The following FAM53B variants were observed in gnomAD, a reference collection of about 807,000 sequenced individuals.
FAM53B encodes the protein protein FAM53B.
A neutral mutation model predicts 32.7 loss-of-function variants in FAM53B; 12 were observed. The ratio of observed to expected loss-of-function variants is 0.37; its 90% CI spans 0.24 to 0.59. The LOEUF (loss-of-function observed/expected upper bound fraction) is 0.59, where lower values mean the gene tolerates loss of function less well. Among genes scored for constraint, FAM53B ranks in the 20% least tolerant of loss-of-function variants. FAM53B has a pLI of 0.72. For synonymous variants in FAM53B, 234 were observed against 228.7 expected, an observed-to-expected ratio of 1.02 and a Z score of -0.21; for missense variants, 477 against 577.7, an observed-to-expected ratio of 0.83 and a Z score of 1.79.
chr10:124,712,590 G>A (rs1950011640), intron 1 of FAM53B, among the ~76,000 whole-genome samples: 1 of 152,008 alleles, frequency 6.6e-6, no homozygotes, highest in African/African-American at 2.4e-5. Context: ...GTCTTGTATT[G>A]TCACTTCCCA....
intron 4 of FAM53B, among the ~76,000 whole-genome samples, chr10:124,658,183 T>C (rs963700188): frequency 3.3e-5 from 5 of 152,216 alleles, no homozygotes; most frequent in Non-Finnish European, 7.4e-5. Flanking sequence ...GGAGGGGCTT[T>C]GCTACGCAAG....
intron 4 of FAM53B, among the ~76,000 whole-genome samples, chr10:124,679,005 G>A (rs986866789): frequency 1.1e-4 from 16 of 152,164 alleles, no homozygotes; most frequent in African/African-American, 3.1e-4. Context: ...GCTTTAACCC[G>A]AGGCTCTCAC....
intron 2 of FAM53B, among the ~76,000 whole-genome samples, chr10:124,704,664 A>G (rs940902795): frequency 1.3e-5 from 2 of 152,188 alleles, no homozygotes; most frequent in Non-Finnish European, 2.9e-5. Flanking sequence ...AGTGGCAGAG[A>G]TGAGGTCAAA....
chr10:124,696,645 C>T (rs759759236), intron 2 of FAM53B, among the ~76,000 whole-genome samples: 66 of 152,310 alleles, frequency 4.3e-4, no homozygotes, highest in Non-Finnish European at 7.3e-4. Flanking sequence ...CCAGGTCCGA[C>T]TCCGAGACCC....
intron 4 of FAM53B, among the ~76,000 whole-genome samples, chr10:124,643,146 G>T (rs964137691): frequency 6.6e-6 from 1 of 152,248 alleles, no homozygotes. Flanking sequence ...AAATAAAGCT[G>T]TCTGTCTCTG....
At chr10:124,741,120 T>C (rs1950196972) in intron 1 of FAM53B, among the ~76,000 whole-genome samples, 3 of 152,034 alleles carry the variant, frequency 2.0e-5, no homozygotes, top group Non-Finnish European at 4.4e-5. Context: ...TTAAAGAGAG[T>C]CCCTCCACAT....
At chr10:124,637,979 T>C (rs1014049665) in intron 4 of FAM53B, among the ~76,000 whole-genome samples, 1 of 152,248 alleles carries the variant, frequency 6.6e-6, no homozygotes, top group African/African-American at 2.4e-5. Context: ...TCTGAGTGCC[T>C]CTGTGGGCTG....
chr10:124,665,671 T>G (rs567489504), intron 4 of FAM53B, among the ~76,000 whole-genome samples: 1 of 152,312 alleles, frequency 6.6e-6, no homozygotes, highest in Non-Finnish European at 1.5e-5. Flanking sequence ...GCCCTGGGCA[T>G]TGGTCACGTG....
chr10:124,739,549 C>T (rs1227372168), intron 1 of FAM53B, among the ~76,000 whole-genome samples: 1 of 152,240 alleles, frequency 6.6e-6, no homozygotes, highest in Admixed American at 6.5e-5. Flanking sequence ...CCTGCCACTG[C>T]GTTCTGAGGT....
At chr10:124,639,378 G>A (rs977923230) in intron 4 of FAM53B, among the ~76,000 whole-genome samples, 9 of 152,224 alleles carry the variant, frequency 5.9e-5, no homozygotes, top group Non-Finnish European at 4.4e-5. Context: ...CATGCAGCCC[G>A]GGGCATGCTG....
chr10:124,710,195 T>C (rs957293668), intron 1 of FAM53B, among the ~76,000 whole-genome samples: 2 of 152,214 alleles, frequency 1.3e-5, no homozygotes, highest in African/African-American at 4.8e-5. Flanking sequence ...CTGAATGCCA[T>C]ACTCAATGGA....
chr10:124,717,824 T>C (rs550813647), intron 1 of FAM53B, among the ~76,000 whole-genome samples: 2 of 152,312 alleles, frequency 1.3e-5, no homozygotes, highest in African/African-American at 2.4e-5. Flanking sequence ...AGTTTTGACA[T>C]CTTCATCTTC....
At chr10:124,646,598 G>A (rs145601481) in intron 4 of FAM53B, among the ~76,000 whole-genome samples, 5 of 152,290 alleles carry the variant, frequency 3.3e-5, no homozygotes, top group African/African-American at 7.2e-5. Flanking sequence ...AGGGCTTTAC[G>A]GCTCCCTCAG....
rs76546022 is a variant in FAM53B, at chr10:124,643,667, G to A, written c.907-20063C>T. ...TCCACTGGCAGCGGATTCCAAAGGC[G>A]AAGAGGCTGCATTCACGGCCCGGAG... On this transcript the variant is annotated intron_variant, in intron 4 of 4. Transcript: ENST00000337318. 4.1e-4 allele frequency among the ~76,000 whole-genome samples: 63 copies of A among 152,342 alleles called. No homozygotes were observed. In the East Asian group the frequency reaches 0.011, roughly 27 times the overall value.
chr10:124,718,527 G>A (rs1211703457), intron 1 of FAM53B, among the ~76,000 whole-genome samples: 1 of 152,208 alleles, frequency 6.6e-6, no homozygotes, highest in African/African-American at 2.4e-5. Context: ...GTATACCCGA[G>A]CTCTGTGGCA....
rs755415280 is a variant in FAM53B, at chr10:124,682,112, C to A, written c.401G>T (p.Gly134Val). The change falls in exon 4 of 5, where the codon GGC becomes GTC. Residue 134 changes from glycine to valine, a missense_variant. Around this residue, in one of 2 missense-constraint regions of FAM53B, gnomAD observed 312 missense variants for 420.2 expected, o/e 0.74. Transcript: ENST00000337318. This position sits in a 1 kb window ranked among gnomAD's most constrained non-coding sequence, Gnocchi z 5.2. Reference sequence around the variant, plus strand: ...TTCCACGGGAGTCCAGACTTTGGAGCCCAAGGGCCTCCATGATGTCCGGCA... The same window carrying A: ...TTCCACGGGAGTCCAGACTTTGGAGACCAAGGGCCTCCATGATGTCCGGCA... ...SSCRTSWRPL[G>V]SKVWTPVEKR... 2.5e-6 allele frequency: 4 copies of A among 1,613,752 alleles called. No individual in the cohort carries two copies. Among genetic ancestry groups the A allele is most frequent in the Non-Finnish European group, 3.4e-6 (4 of 1,179,894 alleles).
chr10:124,650,096 ATTATCGATC>A (rs1949546868), intron 4 of FAM53B, among the ~76,000 whole-genome samples: 1 of 152,194 alleles, frequency 6.6e-6, no homozygotes, highest in African/African-American at 2.4e-5. Context: ...AGATGACATA[ATTATCGATC>A]AGATGACTTA....
intron 1 of FAM53B, among the ~76,000 whole-genome samples, chr10:124,709,431 G>A (rs948882552): frequency 2.0e-5 from 3 of 152,200 alleles, no homozygotes; most frequent in Non-Finnish European, 4.4e-5. Context: ...CACCAAAAGC[G>A]CCTGGGTAAC....
At chr10:124,718,979 G>A (rs1950052441) in intron 1 of FAM53B, among the ~76,000 whole-genome samples, 1 of 152,044 alleles carries the variant, frequency 6.6e-6, no homozygotes, top group South Asian at 2.1e-4. Context: ...CAAGGCTGCA[G>A]TGAGCTATGA....
Sources: gnomAD v4.1 joint callset for allele counts (sites outside exome capture counted in the v4.1 genomes callset) on GRCh38, gnomAD v4.1.1 for gene constraint, gnomAD v4.1.1 regional missense constraint, Gnocchi (gnomAD v3.1) non-coding constraint, MANE v1.5 for transcripts, NCBI Gene and HGNC (gene_info 2026-07-23, HGNC 2026-07-21) for gene names.